The following CCNL2 variants were observed in gnomAD, a reference collection of about 807,000 sequenced individuals.
CCNL2 encodes cyclin-L2.
A neutral mutation model predicts 59.1 loss-of-function variants in CCNL2; 28 were observed. That is an observed-to-expected ratio of 0.47 (90% CI 0.35 to 0.65). CCNL2 has a LOEUF of 0.65. Ranked by LOEUF, CCNL2 falls within the 30% of genes least tolerant of loss-of-function variation. The pLI, the probability that CCNL2 is intolerant of heterozygous loss-of-function variation, is 0.00. For missense variants in CCNL2, 714 were observed against 717.4 expected, an observed-to-expected ratio of 1.00 and a Z score of 0.05; for synonymous variants, 342 against 288.6, an observed-to-expected ratio of 1.19 and a Z score of -1.88.
chr1:1,388,919 T>A, intron 8 of CCNL2: 2 of 233,432 alleles, frequency 8.6e-6, no homozygotes, highest in Admixed American at 6.1e-5. Flanking sequence ...CTACTAAAAA[T>A]ACAAAATTAG....
intron 5 of CCNL2, chr1:1,391,596 A>T: frequency 1.5e-6 from 2 of 1,292,246 alleles, no homozygotes; most frequent in Non-Finnish European, 2.0e-6. Context: ...ACATTCATAG[A>T]ATCAGAAGCA....
At chr1:1,397,219 C>T (rs963659320) in intron 3 of CCNL2, among the ~76,000 whole-genome samples, 1 of 152,242 alleles carries the variant, frequency 6.6e-6, no homozygotes, top group Non-Finnish European at 1.5e-5. Flanking sequence ...GGTGCATAAA[C>T]CCTGGGCTAA....
intron 7 of CCNL2, 25 bp from the exon 8 acceptor site, chr1:1,390,396 T>G: frequency 6.2e-7 from 1 of 1,611,778 alleles, no homozygotes; most frequent in Non-Finnish European, 8.5e-7. Flanking sequence ...AGGTGTCCGT[T>G]CAGAACCAGG....
intron 1 of CCNL2, 109 bp from the exon 2 acceptor site, chr1:1,398,780 G>A: frequency 2.4e-6 from 3 of 1,251,854 alleles, no homozygotes; most frequent in Non-Finnish European, 2.3e-6. Context: ...ACACTGAAAC[G>A]CTTCCCACGT....
At position 1,398,579 on chromosome 1, in the gene CCNL2, T is replaced by G; in HGVS notation, c.363+18A>C. On this transcript the variant is annotated intron_variant, in intron 2 of 10. Coordinates refer to ENST00000400809, the MANE Select transcript of CCNL2 (RefSeq NM_030937.6). ...TCAACATACTTCGCTGGGAATGAAG[T>G]GCAGGAGGAAGCCTTACCTCCATGG... The G allele has an allele frequency of 3.1e-6, 5 of 1,611,166 alleles. No homozygotes were observed. The highest frequency in any genetic ancestry group is 4.2e-6 in the Non-Finnish European group (5 of 1,177,536).
intron 3 of CCNL2, among the ~76,000 whole-genome samples, chr1:1,397,969 G>GC (rs974276015): frequency 4.6e-5 from 7 of 152,202 alleles, no homozygotes; most frequent in Admixed American, 3.9e-4. Flanking sequence ...GCAGGGCCGT[G>GC]CACTGACATG....
At chr1:1,390,916 T>A in intron 5 of CCNL2, 51 bp from the exon 6 acceptor site, 1 of 1,442,558 alleles carries the variant, frequency 6.9e-7, no homozygotes, top group Non-Finnish European at 9.8e-7. Context: ...GGAACCCAGG[T>A]CTTCCGCCTG....
In CCNL2 at chr1:1,390,220, A is replaced by C; in HGVS notation, c.1006+10T>G. 1 of 1,601,480 alleles carries C rather than the reference A, an allele frequency of 6.2e-7. No homozygotes were observed. Among genetic ancestry groups the C allele is most frequent in the Non-Finnish European group, 8.5e-7 (1 of 1,170,860 alleles). On this transcript the variant is annotated intron_variant, in intron 8 of 10. Transcript: ENST00000400809. ...GTGGGGAGTGGATTCCTGCACTCTA[A>C]CAGACTCACCCAGCTTGGGGGCAGG...
At chr1:1,395,277 C>T in intron 4 of CCNL2, 117 bp downstream of exon 4, 2 of 1,113,544 alleles carry the variant, frequency 1.8e-6, no homozygotes, top group Non-Finnish European at 2.5e-6. Flanking sequence ...ACTGGAAAGC[C>T]AAGTCAGGGA....
At chr1:1,395,878 A>T (rs551802590) in intron 3 of CCNL2, among the ~76,000 whole-genome samples, 1 of 152,290 alleles carries the variant, frequency 6.6e-6, no homozygotes, top group East Asian at 1.9e-4. Context: ...ATGAAAGCAC[A>T]ATTATTTAAA....
rs763509317 is a variant in CCNL2, at chr1:1,398,657, G to A, written c.303C>T (p.Thr101=). The A allele has an allele frequency of 1.9e-6, 3 of 1,613,510 alleles. No individual in the cohort carries two copies. The highest frequency in any genetic ancestry group is 2.2e-5 in the East Asian group (1 of 44,874). The change falls in exon 2 of 11, where the codon ACC becomes ACT. Residue 101 remains threonine (T), a synonymous_variant. Coordinates refer to ENST00000400809, the MANE Select transcript of CCNL2 (RefSeq NM_030937.6). ...LLRLPQVAMA[T]GQVLFQRFFY... ...AGAACCGCTGGAACAACACCTGCCC[G>A]GTAGCCATGGCCACCTAGAGTAGAA...
intron 1 of CCNL2, 84 bp from the exon 2 acceptor site, chr1:1,398,755 C>G: frequency 1.5e-6 from 2 of 1,336,030 alleles, no homozygotes; most frequent in Non-Finnish European, 2.1e-6. Flanking sequence ...CGTGGGACTC[C>G]CCACGCAGAA....
Position 1,398,688 on chromosome 1 carries a change from T to C in CCNL2, c.289-17A>G, listed in dbSNP as rs749513553. Reference sequence around the variant, plus strand: ...CATGGCCACCTAGAGTAGAAGAAAGTTTCCGTATTTTCAAACGCACCATTC... The same window carrying C: ...CATGGCCACCTAGAGTAGAAGAAAGCTTCCGTATTTTCAAACGCACCATTC... On this transcript the variant is annotated splice_polypyrimidine_tract_variant and intron_variant, in intron 1 of 10. Transcript: ENST00000400809. 3.4e-5 allele frequency: 55 copies of C among 1,609,604 alleles called. No homozygotes were observed. The highest frequency in any genetic ancestry group is 4.2e-5 in the Non-Finnish European group (49 of 1,176,454).
intron 2 of CCNL2, 94 bp from the exon 3 acceptor site, chr1:1,398,436 G>A (rs928692561): frequency 5.0e-6 from 8 of 1,587,180 alleles, no homozygotes; most frequent in Non-Finnish European, 6.0e-6. Flanking sequence ...GACCAAAAGG[G>A]AGGTGCACCC....
In CCNL2 at chr1:1,386,544, GGGAACCTCTATTTAGGA is replaced by G. The variant is rs1557702812; in HGVS notation, c.*670_*686del. The G allele has an allele frequency of 6.6e-6, 1 of 152,596 alleles. No homozygotes were observed. The highest frequency in any genetic ancestry group is 2.4e-5 in the African/African-American group (1 of 41,428). The allele number at this position is 152,596 out of a possible 1,614,324, so 9.5% of individuals were successfully genotyped here. On this transcript the variant is annotated 3_prime_UTR_variant, in exon 11 of 11. Transcript: ENST00000400809. ...ATTCACCATGTCATACGCGCATATA[GGGAACCTCTATTTAGGA>G]GCTGGTGGCCTGCACTCAGCACCGC...
intron 5 of CCNL2, chr1:1,392,929 A>ACCAGAATCC: frequency 2.1e-6 from 2 of 953,356 alleles, no homozygotes; most frequent in South Asian, 1.5e-5. Flanking sequence ...GAAAAAATTC[A>ACCAGAATCC]CCAGAATCCC....
intron 8 of CCNL2, 78 bp downstream of exon 8, chr1:1,390,152 A>G: frequency 7.5e-7 from 1 of 1,342,160 alleles, no homozygotes. Context: ...AGGAGCACAT[A>G]CCCCAGAATG....
chr1:1,392,023 C>A (rs1401004874), intron 5 of CCNL2: 1 of 160,876 alleles, frequency 6.2e-6, no homozygotes, highest in African/African-American at 2.4e-5. Context: ...AACATACAAA[C>A]CCACTCAAGA....
intron 3 of CCNL2, among the ~76,000 whole-genome samples, chr1:1,397,066 G>A (rs963203717): frequency 6.6e-6 from 1 of 152,070 alleles, no homozygotes; most frequent in Non-Finnish European, 1.5e-5. Flanking sequence ...GTTCTTAATA[G>A]GGACAGGGTT....
Sources: gnomAD v4.1 joint callset for allele counts (sites outside exome capture counted in the v4.1 genomes callset) on GRCh38, gnomAD v4.1.1 for gene constraint, MANE v1.5 for transcripts, NCBI Gene and HGNC (gene_info 2026-07-23, HGNC 2026-07-21) for gene names.